Variants in RNF10 observed in about 807,000 individuals in gnomAD.
The protein encoded by RNF10 is E3 ubiquitin-protein ligase RNF10.
RNF10 carries 38 observed loss-of-function variants against 91.4 expected under a neutral mutation model. The ratio of observed to expected loss-of-function variants is 0.42; its 90% CI spans 0.32 to 0.54. RNF10 has a LOEUF of 0.54. Among genes scored for constraint, RNF10 ranks in the 20% least tolerant of loss-of-function variants. RNF10 has a pLI of 0.16. For synonymous variants in RNF10, 364 were observed against 366.3 expected (o/e 0.99, Z 0.07); for missense variants, 945 against 1,012.0 (o/e 0.93, Z 0.90).
chr12:120,576,941 T>C lies in RNF10; in HGVS notation c.*275T>C, dbSNP rs1877474306. On this transcript the variant is annotated 3_prime_UTR_variant, in exon 17 of 17. Transcript: ENST00000325954. ...TTGCCAGTTTAGTCTTTTTGACCCA[T>C]GTGTAATTAATTTTTCTCAACCCAA... 5.0e-6 allele frequency: 2 copies of C among 402,110 alleles called. No individual in the cohort carries two copies. The highest frequency in any genetic ancestry group is 9.2e-6 in the Non-Finnish European group (2 of 218,368). The allele number at this position is 402,110 out of a possible 1,614,324, so 24.9% of individuals were successfully genotyped here.
Position 120,576,708 on chromosome 12 carries a change from T to C in RNF10, c.*42T>C. The C allele has an allele frequency of 6.3e-7, 1 of 1,591,358 alleles. No homozygotes were observed. The highest frequency in any genetic ancestry group is 8.5e-7 in the Non-Finnish European group (1 of 1,173,678). ...TACCTTCTCCATCTGGTTTTTGTTTTTGTTTTTTTTTCCCCCATGCTTTTG... is the reference window on the plus strand; with the variant it reads ...TACCTTCTCCATCTGGTTTTTGTTTCTGTTTTTTTTTCCCCCATGCTTTTG... On this transcript the variant is annotated 3_prime_UTR_variant, in exon 17 of 17. Coordinates refer to ENST00000325954, the MANE Select transcript of RNF10 (RefSeq NM_014868.5).
Position 120,565,052 on chromosome 12 carries a change from T to C in RNF10, c.1666-20T>C. 6.5e-7 allele frequency: 1 copy of C among 1,550,358 alleles called. No individual in the cohort carries two copies. Among genetic ancestry groups the C allele is most frequent in the Non-Finnish European group, 8.9e-7 (1 of 1,121,886 alleles). ...AGTTAGGCTTGCTTTTGTTGAGTAT[T>C]GGTCCTTTTTCCAATGTAGGATGTT... On this transcript the variant is annotated intron_variant, in intron 10 of 16. Coordinates refer to ENST00000325954, the MANE Select transcript of RNF10 (RefSeq NM_014868.5).
chr12:120,567,323 G>A (rs534554079), intron 13 of RNF10, among the ~76,000 whole-genome samples: 3 of 113,110 alleles, frequency 2.7e-5, no homozygotes, highest in South Asian at 3.5e-4. Context: ...TTGTAGCATC[G>A]TTTTAATAGC....
Position 120,576,918 on chromosome 12 carries a change from G to A in RNF10, c.*252G>A. On this transcript the variant is annotated 3_prime_UTR_variant, in exon 17 of 17. Coordinates refer to ENST00000325954, the MANE Select transcript of RNF10 (RefSeq NM_014868.5). ...TTCCTGCCAAGGTTTTTAGTTCATT[G>A]CCAGTTTAGTCTTTTTGACCCATGT... 2.3e-6 allele frequency: 1 copy of A among 444,362 alleles called. No individual in the cohort carries two copies. 27.5% of individuals were successfully genotyped at this position (444,362 alleles called of 1,614,324 possible). A position where few individuals can be genotyped will look rare whatever the true frequency, so the allele number is the denominator to read the frequency against.
intron 1 of RNF10, among the ~76,000 whole-genome samples, chr12:120,543,607 A>G (rs1167716): frequency 0.29 from 43,875 of 151,842 alleles, 7,023 homozygotes; most frequent in Admixed American, 0.4. Flanking sequence ...TTTGAGACCC[A>G]TCTGGGCAAC....
intron 7 of RNF10, 129 bp from the exon 8 acceptor site, chr12:120,562,816 C>A: frequency 9.3e-7 from 1 of 1,075,784 alleles, no homozygotes; most frequent in Non-Finnish European, 1.4e-6. Flanking sequence ...GCACCTAATT[C>A]CTTCCCATTG....
At chr12:120,551,091 T>C (rs1383774934) in intron 2 of RNF10, among the ~76,000 whole-genome samples, 1 of 151,570 alleles carries the variant, frequency 6.6e-6, no homozygotes, top group African/African-American at 2.4e-5. Flanking sequence ...GCTCAAATTA[T>C]CCTCCCACCT....
At chr12:120,540,450 A>C (rs909057142) in intron 1 of RNF10, among the ~76,000 whole-genome samples, 2 of 152,164 alleles carry the variant, frequency 1.3e-5, no homozygotes, top group Admixed American at 6.5e-5. Flanking sequence ...AAAGTGGATC[A>C]TCTTATCACT....
chr12:120,569,571 G>A (rs984117975), intron 13 of RNF10, among the ~76,000 whole-genome samples: 3 of 136,080 alleles, frequency 2.2e-5, no homozygotes, highest in East Asian at 4.1e-4. Flanking sequence ...TCGCTCTGTC[G>A]CCCAAACTGG....
chr12:120,549,538 A>G (rs1377182386), intron 2 of RNF10, among the ~76,000 whole-genome samples: 5 of 152,192 alleles, frequency 3.3e-5, no homozygotes, highest in Admixed American at 6.5e-5. Context: ...TAATCCCAGC[A>G]CTTTGGGAGG....
At chr12:120,546,819 C>G (rs1390817117) in intron 2 of RNF10, among the ~76,000 whole-genome samples, 4 of 152,092 alleles carry the variant, frequency 2.6e-5, no homozygotes, top group Non-Finnish European at 5.9e-5. Context: ...GGAAAATTTC[C>G]TTTATGACAA....
chr12:120,566,183 G>A (rs764649043), intron 12 of RNF10, among the ~76,000 whole-genome samples: 3 of 152,154 alleles, frequency 2.0e-5, no homozygotes, highest in Non-Finnish European at 4.4e-5. Context: ...TCCCAACACC[G>A]TGTAGGTGTT....
At chr12:120,541,768 C>G (rs1329261004) in intron 1 of RNF10, among the ~76,000 whole-genome samples, 3 of 150,372 alleles carry the variant, frequency 2.0e-5, no homozygotes, top group African/African-American at 4.9e-5. Context: ...CGCTCTGTCA[C>G]TTAGGCTGGC....
rs904899191 is a variant in RNF10, at chr12:120,566,932, G to T, written c.1993G>T (p.Gly665Trp). 36 of 1,612,940 alleles carry T rather than the reference G, an allele frequency of 2.2e-5. No individual in the cohort carries two copies. The highest frequency in any genetic ancestry group is 3.1e-5 in the Non-Finnish European group (36 of 1,179,624). The change falls in exon 13 of 17, where the codon GGG becomes TGG. Residue 665 changes from glycine (G) to tryptophan (W), a missense_variant. Gly to Trp is a radical substitution (Grantham distance 184). Transcript: ENST00000325954. ...ALGPTSTEGHGALSISPLSRS... is the reference protein window; with the variant it reads ...ALGPTSTEGHWALSISPLSRS... ...GGGTCCCACCAGCACCGAGGGCCAT[G>T]GGGCCCTCTCCATTTCTCCTCTCAG...
At chr12:120,567,208 G>C (rs949660266) in intron 13 of RNF10, among the ~76,000 whole-genome samples, 1 of 152,068 alleles carries the variant, frequency 6.6e-6, no homozygotes, top group African/African-American at 2.4e-5. Context: ...CTTTAGGCAG[G>C]ATAGTTGAAA....
rs1565966435 is a variant in RNF10 at position 120,565,432 on chromosome 12, C to T, written c.1788C>T (p.Asp596=). ...TACAACCTGACCAATCTGCAGATGA[C>T]ATTGAGAAGAGGAAACGTCAGCGCC... ...SKETLEMFSD[D]IEKRKRQRQK... The change falls in exon 12 of 17, where the codon GAC becomes GAT. Residue 596 remains aspartate (D), a synonymous_variant. Transcript: ENST00000325954. 1 of 1,613,818 alleles carries T rather than the reference C, an allele frequency of 6.2e-7. No individual in the cohort carries two copies. Among genetic ancestry groups the T allele is most frequent in the Non-Finnish European group, 8.5e-7 (1 of 1,179,948 alleles).
rs147936384 is a variant in RNF10 at position 120,575,659 on chromosome 12, A to G, written c.2171A>G (p.Asp724Gly). The change falls in exon 15 of 17, where the codon GAT becomes GGT. Residue 724 changes from aspartate (D) to glycine (G), a missense_variant. Physicochemically the swap from Asp to Gly is moderately conservative, Grantham distance 94 (BLOSUM62 -1). Coordinates refer to ENST00000325954, the MANE Select transcript of RNF10 (RefSeq NM_014868.5). ...CTGAGGGTTGGAAAAGCAAAAGCAG[A>G]TGTGTGGCCCAAAACTGCTCCAAAG... is the stretch of plus-strand genomic sequence containing the variant. The part of the protein sequence containing the change: ...QMLRVGKAKA[D>G]VWPKTAPKKD... The G allele has an allele frequency of 5.9e-5, 95 of 1,614,094 alleles. No homozygotes were observed. The African/African-American group carries it at 1.1e-3, about 18-fold the overall frequency.
At chr12:120,551,450 G>A (rs1340929103) in intron 2 of RNF10, among the ~76,000 whole-genome samples, 1 of 150,882 alleles carries the variant, frequency 6.6e-6, no homozygotes, top group Non-Finnish European at 1.5e-5. Flanking sequence ...ACCTGCCACT[G>A]CACCCGGCTA....
intron 13 of RNF10, chr12:120,570,184 C>CT (rs11378458): frequency 0.27 from 30,588 of 112,298 alleles, 5,182 homozygotes; most frequent in Admixed American, 0.43. Flanking sequence ...CACACCCAGC[C>CT]TTTTTTTTTT....
Sources: allele counts gnomAD v4.1 joint callset (sites outside exome capture counted in the v4.1 genomes callset), GRCh38; gene constraint gnomAD v4.1.1; transcripts MANE v1.5; gene names NCBI Gene and HGNC (gene_info 2026-07-23, HGNC 2026-07-21).